Variants in TEX9 observed in about 807,000 individuals in gnomAD.
The protein encoded by TEX9 is testis expressed 9, also known as testis-expressed protein 9.
TEX9 carries 74 observed loss-of-function variants against 59.6 expected under a neutral mutation model. That is an observed-to-expected ratio of 1.24 (90% confidence interval 1.03 to 1.51). TEX9 has a LOEUF of 1.51. Among genes scored for constraint, TEX9 ranks in the 40% most tolerant of loss-of-function variants. The probability of loss-of-function intolerance (pLI) is 0.00; values close to 1 mark genes in which losing one functional copy is unlikely to be tolerated. For synonymous variants in TEX9, 186 were observed against 152.2 expected, an observed-to-expected ratio of 1.22 and a Z score of -1.64; for missense variants, 522 against 447.8, an observed-to-expected ratio of 1.17 and a Z score of -1.49.
chr15:56,337,133 G>A (rs2046272347), intron 1 of TEX9, among the ~76,000 whole-genome samples: 5 of 152,114 alleles, frequency 3.3e-5, no homozygotes, highest in Admixed American at 3.3e-4. Flanking sequence ...AAAAAGATTA[G>A]TGGGAAAAAA....
At chr15:56,427,806 T>A (rs1461619677) in intron 11 of TEX9, 67 bp downstream of exon 11, 9 of 1,286,028 alleles carry the variant, frequency 7.0e-6, no homozygotes, top group Non-Finnish European at 9.3e-6. Flanking sequence ...ATTTAGCATT[T>A]TTCACTTTAG....
At chr15:56,333,262 C>A (rs1383883883) in intron 1 of TEX9, among the ~76,000 whole-genome samples, 1 of 151,938 alleles carries the variant, frequency 6.6e-6, no homozygotes. Context: ...TGCAAAAATC[C>A]TCAACAAAAC....
intron 1 of TEX9, among the ~76,000 whole-genome samples, chr15:56,339,383 C>CAAAAAAAAAAAAAAAAAAAA (rs71456382): frequency 9.7e-5 from 3 of 30,770 alleles, no homozygotes; most frequent in African/African-American, 2.4e-4. Flanking sequence ...ACTCCTTCTC[C>CAAAAAAAAAAAAAAAAAAAA]AAAAAAAAAA....
chr15:56,445,022 G>A (rs761646702), intron 12 of TEX9, among the ~76,000 whole-genome samples: 2 of 152,006 alleles, frequency 1.3e-5, no homozygotes, highest in African/African-American at 2.4e-5. Flanking sequence ...TTTATAAACT[G>A]AGCTAGGCAA....
chr15:56,428,696 C>T (rs1241886680), intron 12 of TEX9: 1 of 391,778 alleles, frequency 2.6e-6, no homozygotes, highest in African/African-American at 2.1e-5. Flanking sequence ...TATAATTCTC[C>T]TCCCTTACAG....
At chr15:56,298,970 A>G (rs2045278606) in intron 1 of TEX9, among the ~76,000 whole-genome samples, 1 of 152,240 alleles carries the variant, frequency 6.6e-6, no homozygotes, top group Non-Finnish European at 1.5e-5. Context: ...ATGACCAAAT[A>G]GAATACTCCA....
intron 6 of TEX9, among the ~76,000 whole-genome samples, chr15:56,390,796 G>A (rs1193322193): frequency 6.6e-6 from 1 of 151,986 alleles, no homozygotes; most frequent in Non-Finnish European, 1.5e-5. Context: ...GTAGAATTAT[G>A]GCCAGGATGA....
chr15:56,452,263 G>T, the TEX9 span, among the ~76,000 whole-genome samples: 1 of 152,110 alleles, frequency 6.6e-6, no homozygotes, highest in African/African-American at 2.4e-5. Context: ...AAAGGCACAT[G>T]GGTGAAATTC....
At chr15:56,275,320 G>C (rs774717805) in intron 1 of TEX9, among the ~76,000 whole-genome samples, 24 of 152,150 alleles carry the variant, frequency 1.6e-4, no homozygotes, top group Non-Finnish European at 3.2e-4. Flanking sequence ...AAAGGACCAA[G>C]CATAGCATGA....
At chr15:56,414,809 A>T (rs28801764) in intron 10 of TEX9, among the ~76,000 whole-genome samples, 4,873 of 151,870 alleles carry the variant, frequency 0.032, 269 homozygotes, top group East Asian at 0.096. Context: ...CTCTTTGAGG[A>T]GTCACCGTAC....
Position 56,293,304 on chromosome 15 carries a change from T to C in TEX9, c.-107+49026T>C, listed in dbSNP as rs145995383. Among the ~76,000 whole-genome samples the C allele has an allele frequency of 2.9e-3, 439 of 151,934 alleles. 3 individuals are homozygous for C. The highest frequency in any genetic ancestry group is 0.01 in the African/African-American group (424 of 41,414). ...GTAAGCCATGATTGTGCCACTGCAC[T>C]CCAGCATGGGCGACAGAGTGAGACC... is the stretch of plus-strand genomic sequence containing the variant. On this transcript the variant is annotated intron_variant, in intron 1 of 5. Coordinates refer to the TEX9 transcript ENST00000560827.
intron 4 of TEX9, among the ~76,000 whole-genome samples, chr15:56,386,703 T>C (rs1013090662): frequency 1.4e-4 from 22 of 152,026 alleles, no homozygotes; most frequent in Non-Finnish European, 1.5e-4. Context: ...TTCCAAACTT[T>C]GGATTATACA....
intron 1 of TEX9, among the ~76,000 whole-genome samples, chr15:56,336,179 C>T (rs1413469917): frequency 6.6e-6 from 1 of 152,122 alleles, no homozygotes; most frequent in African/African-American, 2.4e-5. Flanking sequence ...TCAACTTGTT[C>T]AGTGGGTGTG....
chr15:56,361,100 A>G (rs1239639341), upstream of TEX9, among the ~76,000 whole-genome samples: 1 of 152,164 alleles, frequency 6.6e-6, no homozygotes, highest in Non-Finnish European at 1.5e-5. Context: ...AATAACACAG[A>G]ACAGGTTACT....
At chr15:56,305,643 G>C (rs1172735227) in intron 1 of TEX9, among the ~76,000 whole-genome samples, 1 of 152,062 alleles carries the variant, frequency 6.6e-6, no homozygotes, top group African/African-American at 2.4e-5. Flanking sequence ...TTAAACACTT[G>C]TCTAAGACCT....
exon 6 of TEX9, chr15:56,389,370 C>G (rs564181683): frequency 1.2e-5 from 19 of 1,610,770 alleles, no homozygotes; most frequent in Non-Finnish European, 1.5e-5. Flanking sequence ...AAATTACACT[C>G]TGCAAATAAA....
intron 1 of TEX9, among the ~76,000 whole-genome samples, chr15:56,321,311 C>T (rs2045896274): frequency 6.6e-6 from 1 of 152,156 alleles, no homozygotes; most frequent in East Asian, 1.9e-4. Context: ...ACAGAATACT[C>T]AGGTTAAGAA....
At chr15:56,284,873 C>T (rs1280318287) in intron 1 of TEX9, among the ~76,000 whole-genome samples, 2 of 152,078 alleles carry the variant, frequency 1.3e-5, no homozygotes, top group African/African-American at 4.8e-5. Flanking sequence ...TTATTGATTT[C>T]TAGCTTAATT....
intron 1 of TEX9, among the ~76,000 whole-genome samples, chr15:56,330,940 T>C (rs1316701884): frequency 1.3e-5 from 2 of 151,930 alleles, no homozygotes; most frequent in Non-Finnish European, 2.9e-5. Context: ...AAGACATACA[T>C]AGACTGAAAA....
Sources: allele counts gnomAD v4.1 joint callset (sites outside exome capture counted in the v4.1 genomes callset), GRCh38; gene constraint gnomAD v4.1.1; transcripts MANE v1.5; gene names NCBI Gene and HGNC (gene_info 2026-07-23, HGNC 2026-07-21).